The following PAAF1 variants were observed in gnomAD, a reference collection of about 807,000 sequenced individuals.
The protein encoded by PAAF1 is proteasomal ATPase associated factor 1.
PAAF1 carries 46 observed loss-of-function variants against 52.8 expected under a neutral mutation model. The observed-to-expected ratio is 0.87, with a 90% CI of 0.69 to 1.11. PAAF1 has a LOEUF of 1.11. Ranked by LOEUF, PAAF1 falls within the 50% of genes most tolerant of loss-of-function variation. PAAF1 has a pLI of 0.00. For synonymous variants in PAAF1, 178 were observed against 172.8 expected (o/e 1.03, Z -0.24); for missense variants, 424 against 477.4 (o/e 0.89, Z 1.04).
intron 5 of PAAF1, 105 bp downstream of exon 5, chr11:73,899,349 C>G: frequency 1.4e-6 from 1 of 716,432 alleles, no homozygotes; most frequent in East Asian, 2.6e-5. Context: ...AAATGTGGGA[C>G]CACTCTGCAT....
At chr11:73,879,483 T>C (rs1222560239) in intron 2 of PAAF1, 1 of 152,208 alleles carries the variant, frequency 6.6e-6, no homozygotes, top group African/African-American at 2.4e-5. Context: ...CTAAAACAAA[T>C]CAACCTTCCT....
rs1950141962 is a variant in PAAF1 at position 73,918,980 on chromosome 11, A to C, written c.966A>C (p.Gly322=). 6.2e-7 allele frequency: 1 copy of C among 1,613,910 alleles called. No homozygotes were observed. The highest frequency in any genetic ancestry group is 1.3e-5 in the African/African-American group (1 of 74,926). ...RAPVQVIHRS[G]APVLSLLSVR... is the part of the protein sequence containing the mutation. ...CGGTACAAGTCATCCACAGATCAGG[A>C]GCACCAGTTCTATCCCTGCTAAGTG... The change falls in exon 10 of 12, where the codon GGA becomes GGC. Residue 322 remains glycine, a synonymous_variant. Coordinates refer to ENST00000310571, the MANE Select transcript of PAAF1 (RefSeq NM_025155.3).
intron 9 of PAAF1, 30 bp downstream of exon 9, chr11:73,916,690 G>GACCTGCA: frequency 6.6e-7 from 1 of 1,511,394 alleles, no homozygotes; most frequent in Non-Finnish European, 9.2e-7. Flanking sequence ...CATGATGCAG[G>GACCTGCA]TCTTCTGCAG....
chr11:73,888,958 T>G, intron 3 of PAAF1: 1 of 501,244 alleles, frequency 2.0e-6, no homozygotes, highest in East Asian at 3.0e-5. Context: ...ACCATAACAA[T>G]CCTGTGGGAT....
chr11:73,887,591 T>C (rs1198977611), intron 3 of PAAF1, 134 bp downstream of exon 3: 8 of 535,868 alleles, frequency 1.5e-5, no homozygotes, highest in African/African-American at 1.4e-4. Flanking sequence ...TTGCTGTCTG[T>C]GAGTGTCATT....
At chr11:73,917,124 A>G (rs1452434473) in intron 9 of PAAF1, among the ~76,000 whole-genome samples, 1 of 152,014 alleles carries the variant, frequency 6.6e-6, no homozygotes, top group African/African-American at 2.4e-5. Context: ...GGGTTCAAGC[A>G]ATTCTCCTGC....
intron 9 of PAAF1, 76 bp downstream of exon 9, chr11:73,916,736 C>A (rs1950075080): frequency 2.1e-6 from 2 of 959,872 alleles, no homozygotes; most frequent in Non-Finnish European, 3.2e-6. Context: ...ATTGATTTAG[C>A]CTAGCATATA....
At chr11:73,909,038 C>T (rs1196564504) in intron 6 of PAAF1, among the ~76,000 whole-genome samples, 8 of 152,168 alleles carry the variant, frequency 5.3e-5, no homozygotes, top group African/African-American at 1.7e-4. Flanking sequence ...CCACCTGCCT[C>T]GGCCTCCCAA....
chr11:73,882,688 C>T (rs1203128854), intron 2 of PAAF1, among the ~76,000 whole-genome samples: 7 of 151,960 alleles, frequency 4.6e-5, no homozygotes, highest in Non-Finnish European at 8.8e-5. Context: ...CTGCAAGCTC[C>T]GCCTTCCAGG....
intron 2 of PAAF1, among the ~76,000 whole-genome samples, chr11:73,881,078 A>C: frequency 6.6e-6 from 1 of 152,344 alleles, no homozygotes; most frequent in East Asian, 1.9e-4. Flanking sequence ...AACATACATT[A>C]AAATTCACCT....
At chr11:73,895,284 T>C (rs1159479708) in intron 4 of PAAF1, among the ~76,000 whole-genome samples, 3 of 151,690 alleles carry the variant, frequency 2.0e-5, no homozygotes, top group Non-Finnish European at 1.5e-5. Flanking sequence ...GGAGGAGGAG[T>C]TGTATTGGGA....
chr11:73,877,273 G>C, intron 1 of PAAF1: 1 of 427,174 alleles, frequency 2.3e-6, no homozygotes. Flanking sequence ...GGGAGCACAT[G>C]AGCTGTGTGA....
intron 6 of PAAF1, among the ~76,000 whole-genome samples, chr11:73,901,918 C>T (rs1301295797): frequency 7.4e-6 from 1 of 135,138 alleles, no homozygotes; most frequent in African/African-American, 2.9e-5. Flanking sequence ...GTCTGGAGTG[C>T]AGTGATGCCA....
chr11:73,897,743 G>A (rs192293319), intron 4 of PAAF1, among the ~76,000 whole-genome samples: 1,631 of 151,950 alleles, frequency 0.011, 32 homozygotes, highest in African/African-American at 0.036. Context: ...GAAGATGGGC[G>A]GCCAGGCAGA....
intron 6 of PAAF1, among the ~76,000 whole-genome samples, chr11:73,907,699 C>T (rs1047015098): frequency 2.0e-5 from 3 of 152,022 alleles, no homozygotes; most frequent in South Asian, 2.1e-4. Flanking sequence ...TCCATGGGAG[C>T]GGGGTAGATG....
chr11:73,909,261 C>A (rs1949860711), intron 6 of PAAF1, 138 bp from the exon 7 acceptor site: 1 of 677,284 alleles, frequency 1.5e-6, no homozygotes, highest in Admixed American at 2.9e-5. Context: ...TTTTCTAGCA[C>A]TTGAACATGG....
chr11:73,884,515 T>A (rs1949006520), intron 2 of PAAF1, among the ~76,000 whole-genome samples: 1 of 151,976 alleles, frequency 6.6e-6, no homozygotes, highest in Non-Finnish European at 1.5e-5. Context: ...AAAATACATA[T>A]ATATACATCC....
At chr11:73,921,074 T>C (rs1344258818) in intron 10 of PAAF1, among the ~76,000 whole-genome samples, 1 of 151,700 alleles carries the variant, frequency 6.6e-6, no homozygotes, top group Non-Finnish European at 1.5e-5. Flanking sequence ...TCAAGGCGGG[T>C]GGATCAGCTG....
intron 9 of PAAF1, among the ~76,000 whole-genome samples, chr11:73,917,308 T>A (rs1950095498): frequency 6.6e-6 from 1 of 151,984 alleles, no homozygotes; most frequent in South Asian, 2.1e-4. Context: ...CATGAGCCAC[T>A]GTACCCAGCC....
Sources: gnomAD v4.1 joint callset for allele counts (sites outside exome capture counted in the v4.1 genomes callset) on GRCh38, gnomAD v4.1.1 for gene constraint, MANE v1.5 for transcripts, NCBI Gene and HGNC (gene_info 2026-07-23, HGNC 2026-07-21) for gene names.